ATAD2B: variants seen among roughly 807,000 people sequenced by gnomAD.
ATAD2B encodes ATPase family AAA domain containing 2B.
In ATAD2B, 40 loss-of-function variants were observed where a neutral mutation model predicts 167.6. The ratio of observed to expected loss-of-function variants is 0.24; its 90% CI spans 0.19 to 0.31. The LOEUF is 0.31. Ranked by LOEUF, ATAD2B falls within the 10% of genes least tolerant of loss-of-function variation. The pLI is 1.00. For synonymous variants in ATAD2B, 579 were observed against 596.5 expected, an observed-to-expected ratio of 0.97 and a Z score of 0.43; for missense variants, 1,242 against 1,757.2, an observed-to-expected ratio of 0.71 and a Z score of 5.24.
the ATAD2B span, chr2:23,696,614 AG>A: frequency 1.0e-6 from 1 of 955,578 alleles, no homozygotes; most frequent in South Asian, 1.7e-5. The surrounding 1 kb of genome is among the most constrained non-coding windows in gnomAD (Gnocchi z 5.5). Flanking sequence ...GTGGCGATGG[AG>A]CAGAGCCTGG....
chr2:23,824,258 G>A (rs1253353236), intron 15 of ATAD2B, among the ~76,000 whole-genome samples: 1 of 152,056 alleles, frequency 6.6e-6, no homozygotes, highest in Admixed American at 6.6e-5. Context: ...CACCACACCT[G>A]GCCTACAACG....
At chr2:23,897,634 T>A (rs1384528801) in intron 1 of ATAD2B, among the ~76,000 whole-genome samples, 1 of 152,228 alleles carries the variant, frequency 6.6e-6, no homozygotes, top group Admixed American at 6.5e-5. Context: ...CCTACTCTAT[T>A]TATTTTGTTG....
At chr2:23,828,647 C>A (rs539884148) in intron 15 of ATAD2B, among the ~76,000 whole-genome samples, 6 of 152,208 alleles carry the variant, frequency 3.9e-5, no homozygotes, top group Non-Finnish European at 8.8e-5. Flanking sequence ...GTTAACTAAA[C>A]ACCTAATGGC....
intron 1 of ATAD2B, among the ~76,000 whole-genome samples, chr2:23,924,761 G>A (rs72796343): frequency 0.1 from 15,655 of 152,186 alleles, 927 homozygotes; most frequent in Middle Eastern, 0.17. Flanking sequence ...TCTACAAAGA[G>A]CTCTCATATC....
At chr2:23,919,979 C>T (rs1573459427) in intron 1 of ATAD2B, among the ~76,000 whole-genome samples, 2 of 152,024 alleles carry the variant, frequency 1.3e-5, no homozygotes, top group African/African-American at 4.8e-5. Context: ...GGCAAAACCT[C>T]GTCTCTACTA....
At chr2:23,898,968 G>C (rs980505421) in intron 1 of ATAD2B, among the ~76,000 whole-genome samples, 1 of 152,166 alleles carries the variant, frequency 6.6e-6, no homozygotes, top group South Asian at 2.1e-4. Context: ...GACCAACATG[G>C]TGAAACCCCA....
chr2:23,800,374 G>C (rs1683292312), intron 18 of ATAD2B, among the ~76,000 whole-genome samples: 1 of 152,152 alleles, frequency 6.6e-6, no homozygotes, highest in African/African-American at 2.4e-5. Flanking sequence ...TTTCATTCTA[G>C]TACTTCTAGG....
chr2:23,775,058 A>G (rs1023611983), intron 22 of ATAD2B, among the ~76,000 whole-genome samples: 1 of 152,160 alleles, frequency 6.6e-6, no homozygotes, highest in Non-Finnish European at 1.5e-5. Flanking sequence ...TAAACAAATA[A>G]CTATGGGCAA....
chr2:23,780,116 C>T (rs1252771451), intron 22 of ATAD2B, among the ~76,000 whole-genome samples: 3 of 151,758 alleles, frequency 2.0e-5, no homozygotes, highest in East Asian at 1.9e-4. Context: ...GGTGTGGTGG[C>T]GTGTGCCTGT....
chr2:23,691,899 T>C, the ATAD2B span: 1 of 1,544,532 alleles, frequency 6.5e-7, no homozygotes. Flanking sequence ...GCCACATATG[T>C]CGCTTGGGGG....
At chr2:23,718,859 C>T in the ATAD2B span, among the ~76,000 whole-genome samples, 14 of 152,298 alleles carry the variant, frequency 9.2e-5, no homozygotes, top group Admixed American at 2.0e-4. Context: ...GATCACATCA[C>T]GCCAACCTCT....
At position 23,885,832 on chromosome 2, in the gene ATAD2B, A is replaced by G; in HGVS notation, c.573-3T>C. The G allele has an allele frequency of 6.6e-7, 1 of 1,525,652 alleles. No homozygotes were observed. The highest frequency in any genetic ancestry group is 1.2e-5 in the South Asian group (1 of 83,098). 94.5% of individuals were successfully genotyped at this position (1,525,652 alleles called of 1,614,324 possible). On this transcript the variant is annotated splice_polypyrimidine_tract_variant and splice_region_variant and intron_variant, in intron 4 of 27. Coordinates refer to ENST00000238789, the MANE Select transcript of ATAD2B (RefSeq NM_017552.4). The stretch of plus-strand genomic sequence containing the variant: ...CCTGTAGTACAGCTTCAGCAGTGCT[A>G]CAATCACATAATAAAATCAGGATTT...
Position 23,798,315 on chromosome 2 carries a change from A to G in ATAD2B, c.2463T>C (p.Arg821=). The change falls in exon 19 of 28, where the codon CGT becomes CGC. Residue 821 remains arginine (R), a synonymous_variant. Coordinates refer to ENST00000238789, the MANE Select transcript of ATAD2B (RefSeq NM_017552.4). ...TPEESCAQIF[R]EARRTVPSIV... is the part of the protein sequence containing the mutation. ...TACTAGGTACTGTTCTTCGAGCTTC[A>G]CGAAAAATCTAATTAAGGAAAAAAA... is the stretch of plus-strand genomic sequence containing the variant. The G allele has an allele frequency of 6.4e-7, 1 of 1,572,338 alleles. No individual in the cohort carries two copies. The highest frequency in any genetic ancestry group is 8.7e-7 in the Non-Finnish European group (1 of 1,154,862).
Position 23,880,764 on chromosome 2 carries a change from C to A in ATAD2B, c.785-9G>T. The A allele has an allele frequency of 6.7e-7, 1 of 1,502,396 alleles. No homozygotes were observed. Among genetic ancestry groups the A allele is most frequent in the South Asian group, 1.2e-5 (1 of 86,400 alleles). 93.1% of individuals were successfully genotyped at this position (1,502,396 alleles called of 1,614,324 possible). Reference sequence around the variant, plus strand: ...ATCCTCCTCTTGAGATTCTAGTTTCCCACACACAAAAAGAAAAGAAAAAGG... The same window carrying A: ...ATCCTCCTCTTGAGATTCTAGTTTCACACACACAAAAAGAAAAGAAAAAGG... On this transcript the variant is annotated splice_polypyrimidine_tract_variant and intron_variant, in intron 6 of 27. Coordinates refer to ENST00000238789, the MANE Select transcript of ATAD2B (RefSeq NM_017552.4).
intron 1 of ATAD2B, among the ~76,000 whole-genome samples, chr2:23,899,246 A>C (rs1015621267): frequency 1.3e-5 from 2 of 149,910 alleles, no homozygotes; most frequent in African/African-American, 2.5e-5. Flanking sequence ...ACAGGAGGTC[A>C]AGCCTGCAGT....
chr2:23,848,140 TG>T (rs1440844378), intron 13 of ATAD2B, among the ~76,000 whole-genome samples: 1 of 152,028 alleles, frequency 6.6e-6, no homozygotes, highest in East Asian at 1.9e-4. Flanking sequence ...GCACCAGAAA[TG>T]GTAAGTATAA....
At chr2:23,784,780 G>C (rs1051317185) in intron 21 of ATAD2B, among the ~76,000 whole-genome samples, 6 of 151,840 alleles carry the variant, frequency 4.0e-5, no homozygotes, top group Non-Finnish European at 8.8e-5. Context: ...CTATGGGGGG[G>C]GGGATGACCC....
intron 13 of ATAD2B, among the ~76,000 whole-genome samples, chr2:23,843,912 C>T (rs1405790104): frequency 2.6e-5 from 4 of 152,098 alleles, no homozygotes; most frequent in Non-Finnish European, 5.9e-5. Context: ...CTCAGGGCTA[C>T]TCAAGATCCG....
At chr2:23,826,018 C>T (rs867467392) in intron 15 of ATAD2B, among the ~76,000 whole-genome samples, 1 of 151,986 alleles carries the variant, frequency 6.6e-6, no homozygotes, top group Non-Finnish European at 1.5e-5. Context: ...TTTTTACATT[C>T]GCTTATAAGT....
Sources: gnomAD v4.1 joint callset for allele counts (sites outside exome capture counted in the v4.1 genomes callset) on GRCh38, gnomAD v4.1.1 for gene constraint, Gnocchi (gnomAD v3.1) non-coding constraint, MANE v1.5 for transcripts, NCBI Gene and HGNC (gene_info 2026-07-23, HGNC 2026-07-21) for gene names.